RB1: variants seen among roughly 807,000 people sequenced by gnomAD.
The protein encoded by RB1 is RB transcriptional corepressor 1, also known as retinoblastoma-associated protein.
Under a neutral mutation model 135.4 loss-of-function variants are expected in RB1, and 18 were observed. That is an observed-to-expected ratio of 0.13 (90% CI 0.09 to 0.20). RB1 has a LOEUF of 0.20. RB1 is among the 10% of genes least tolerant of loss of function. RB1 has a pLI of 1.00. For synonymous variants in RB1, 365 were observed against 373.2 expected (o/e 0.98, Z 0.25); for missense variants, 868 against 1,110.0 (o/e 0.78, Z 3.10).
chr13:48,372,082 G>GA (rs1008298650), intron 11 of RB1, among the ~76,000 whole-genome samples: 3 of 152,226 alleles, frequency 2.0e-5, no homozygotes, highest in African/African-American at 7.2e-5. Flanking sequence ...TGTCTTCCAT[G>GA]AAACCAGTCC....
At chr13:48,449,655 A>T (rs2138323202) in intron 17 of RB1, among the ~76,000 whole-genome samples, 1 of 152,220 alleles carries the variant, frequency 6.6e-6, no homozygotes, top group Middle Eastern at 3.4e-3. Context: ...CCAGCTACTC[A>T]GGAGGCTGCA....
At chr13:48,450,092 ATAT>A (rs1566232054) in intron 17 of RB1, among the ~76,000 whole-genome samples, 3 of 113,556 alleles carry the variant, frequency 2.6e-5, no homozygotes, top group Admixed American at 8.7e-5. Flanking sequence ...TGATATATAT[ATAT>A]TTTTTTTTTT....
intron 18 of RB1, among the ~76,000 whole-genome samples, chr13:48,453,339 T>C (rs1225590392): frequency 6.6e-6 from 1 of 152,172 alleles, no homozygotes; most frequent in Non-Finnish European, 1.5e-5. Flanking sequence ...GCAGTTTTCA[T>C]GGCAGAGTTG....
At chr13:48,318,719 C>T in intron 2 of RB1, 1 of 635,922 alleles carries the variant, frequency 1.6e-6, no homozygotes, top group Non-Finnish European at 2.9e-6. Flanking sequence ...TTTTGCAGCT[C>T]AGCAGCGGGT....
At chr13:48,349,507 A>G (rs1351320068) in intron 6 of RB1, among the ~76,000 whole-genome samples, 1 of 151,994 alleles carries the variant, frequency 6.6e-6, no homozygotes, top group Non-Finnish European at 1.5e-5. Flanking sequence ...TGCAAGCCTC[A>G]TAGTAACCTC....
chr13:48,412,552 A>G (rs1948834889), intron 17 of RB1: 1 of 711,498 alleles, frequency 1.4e-6, no homozygotes, highest in South Asian at 1.6e-5. Context: ...ATGGTTTTAT[A>G]AATATTTCCT....
intron 8 of RB1, among the ~76,000 whole-genome samples, chr13:48,363,506 A>G (rs951932755): frequency 1.3e-5 from 2 of 152,174 alleles, no homozygotes; most frequent in East Asian, 3.9e-4. Flanking sequence ...ACAGTGAGAC[A>G]TGATTGCACC....
At chr13:48,342,535 T>C in intron 2 of RB1, 64 bp from the exon 3 acceptor site, 1 of 1,015,218 alleles carries the variant, frequency 9.9e-7, no homozygotes, top group Non-Finnish European at 1.6e-6. Context: ...TAATACAGTT[T>C]TAACATAGTA....
rs922530627 is a variant in RB1, at chr13:48,328,476, G to A, written c.265-14123G>A. Reference sequence around the variant, plus strand: ...TCAGCTGATCGCTTCTCAGCGCTGCGGCTGGAACTTTCCTCTCCATTACTC... The same window carrying A: ...TCAGCTGATCGCTTCTCAGCGCTGCAGCTGGAACTTTCCTCTCCATTACTC... On this transcript the variant is annotated intron_variant, in intron 2 of 26. Coordinates refer to ENST00000267163, the MANE Select transcript of RB1 (RefSeq NM_000321.3). 9 of 883,568 alleles carry A rather than the reference G, an allele frequency of 1.0e-5. No homozygotes were observed. In the African/African-American group the frequency reaches 1.1e-4, roughly 11 times the overall value. The allele number at this position is 883,568 out of a possible 1,614,324, so 54.7% of individuals were successfully genotyped here.
intron 17 of RB1, among the ~76,000 whole-genome samples, chr13:48,426,022 T>C (rs1341578574): frequency 6.6e-6 from 1 of 152,150 alleles, no homozygotes; most frequent in Non-Finnish European, 1.5e-5. Flanking sequence ...AATGAAAGAA[T>C]ACAACTTAGT....
intron 17 of RB1, among the ~76,000 whole-genome samples, chr13:48,398,475 C>T (rs2156910): frequency 0.83 from 126,817 of 151,948 alleles, 56,422 homozygotes; most frequent in East Asian, 1. Context: ...ATACTGAGCA[C>T]TTTCTCCTTT....
chr13:48,333,902 T>C (rs1357846544), intron 2 of RB1, among the ~76,000 whole-genome samples: 2 of 152,076 alleles, frequency 1.3e-5, no homozygotes, highest in African/African-American at 4.8e-5. Context: ...TACATATTCA[T>C]AGTTGAGATA....
chr13:48,476,705 C>A lies in RB1; in HGVS notation c.2525C>A (p.Ser842Tyr). 2 of 1,612,604 alleles carry A rather than the reference C, an allele frequency of 1.2e-6. No homozygotes were observed. Among genetic ancestry groups the A allele is most frequent in the Non-Finnish European group, 1.7e-6 (2 of 1,178,876 alleles). ...AAAGAATTCTGTAATTTGTAGACTT[C>A]TGAGAAGTTCCAGAAAATAAATCAG... ...LVSIGESFGT[S>Y]EKFQKINQMV... The change falls in exon 25 of 27, where the codon TCT becomes TAT. Residue 842 changes from serine (S) to tyrosine (Y), a missense_variant. Physicochemically the swap from Ser to Tyr is moderately radical, Grantham distance 144. Around this residue, in one of 3 missense-constraint regions of RB1, gnomAD observed 196 missense variants for 239.8 expected, o/e 0.82. Coordinates refer to ENST00000267163, the MANE Select transcript of RB1 (RefSeq NM_000321.3).
chr13:48,320,101 G>C lies in RB1; in HGVS notation c.264+12695G>C, dbSNP rs1445591890. On this transcript the variant is annotated intron_variant, in intron 2 of 26. Coordinates refer to ENST00000267163, the MANE Select transcript of RB1 (RefSeq NM_000321.3). Reference sequence around the variant, plus strand: ...CCCGGATGGCTTCCGCAATGTCCCGGTCCACGGAATCATCATTGAATCTAG... The same window carrying C: ...CCCGGATGGCTTCCGCAATGTCCCGCTCCACGGAATCATCATTGAATCTAG... 5.9e-6 allele frequency: 4 copies of C among 674,340 alleles called. No individual in the cohort carries two copies. In the Admixed American group the frequency reaches 1.1e-4, roughly 18 times the overall value. 41.8% of individuals were successfully genotyped at this position (674,340 alleles called of 1,614,324 possible).
At chr13:48,320,366 C>G (rs1952223951) in intron 2 of RB1, 1 of 1,227,664 alleles carries the variant, frequency 8.1e-7, no homozygotes, top group African/African-American at 1.5e-5. Flanking sequence ...CTCTCCACCC[C>G]CTCGTCAGCC....
intron 2 of RB1, among the ~76,000 whole-genome samples, chr13:48,336,541 T>C (rs1023127043): frequency 4.3e-4 from 66 of 152,250 alleles, no homozygotes; most frequent in Non-Finnish European, 7.9e-4. Context: ...ATCCCCTTTA[T>C]CATTTTTTAT....
chr13:48,358,472 C>A lies in RB1; in HGVS notation c.608-1545C>A, dbSNP rs117257461. Reference sequence around the variant, plus strand: ...CATTTTTATTATATCTGCTTTTAGTCAGGAGGTAAGGGAGAAAGTAGATAA... The same window carrying A: ...CATTTTTATTATATCTGCTTTTAGTAAGGAGGTAAGGGAGAAAGTAGATAA... On this transcript the variant is annotated intron_variant, in intron 6 of 26. Transcript: ENST00000267163. Among the ~76,000 whole-genome samples the A allele has an allele frequency of 5.6e-3, 846 of 152,156 alleles. 5 individuals are homozygous for A. Among genetic ancestry groups the A allele is most frequent in the Middle Eastern group, 0.01 (3 of 294 alleles).
At chr13:48,383,277 A>G (rs1411084038) in intron 17 of RB1, among the ~76,000 whole-genome samples, 1 of 152,070 alleles carries the variant, frequency 6.6e-6, no homozygotes, top group Non-Finnish European at 1.5e-5. Context: ...GGCACAAATT[A>G]TATTGTCTAG....
At position 48,362,891 on chromosome 13, in the gene RB1, A is replaced by G. The variant is rs1477712842; in HGVS notation, c.795A>G (p.Lys265=). The G allele has an allele frequency of 6.2e-7, 1 of 1,613,902 alleles. No individual in the cohort carries two copies. Among genetic ancestry groups the G allele is most frequent in the Non-Finnish European group, 8.5e-7 (1 of 1,179,854 alleles). ...RGQNRSARIA[K]QLENDTRIIE... Reference sequence around the variant, plus strand: ...AGAACAGGAGTGCACGGATAGCAAAACAACTAGAAAATGATACAAGAATTA... The same window carrying G: ...AGAACAGGAGTGCACGGATAGCAAAGCAACTAGAAAATGATACAAGAATTA... Residue 265 remains lysine (K), a synonymous_variant, in exon 8 of 27, where the codon AAA becomes AAG. Coordinates refer to ENST00000267163, the MANE Select transcript of RB1 (RefSeq NM_000321.3).
Sources: allele counts gnomAD v4.1 joint callset (sites outside exome capture counted in the v4.1 genomes callset), GRCh38; gene constraint gnomAD v4.1.1; regional missense constraint gnomAD v4.1.1; transcripts MANE v1.5; gene names NCBI Gene and HGNC (gene_info 2026-07-23, HGNC 2026-07-21).